TUBGCP3: variants seen among roughly 807,000 people sequenced by gnomAD.
TUBGCP3 encodes the protein tubulin gamma complex component 3.
TUBGCP3 carries 50 observed loss-of-function variants against 123.1 expected under a neutral mutation model. The ratio of observed to expected loss-of-function variants is 0.41; its 90% CI spans 0.32 to 0.51. The LOEUF is 0.51. Ranked by LOEUF, TUBGCP3 falls within the 20% of genes least tolerant of loss-of-function variation. TUBGCP3 has a pLI of 0.36. For missense variants in TUBGCP3, 882 were observed against 1,127.0 expected (o/e 0.78, Z 3.11); for synonymous variants, 405 against 413.9 (o/e 0.98, Z 0.26).
intron 21 of TUBGCP3, among the ~76,000 whole-genome samples, chr13:112,489,252 C>G (rs997899543): frequency 1.4e-5 from 2 of 144,720 alleles, no homozygotes; most frequent in African/African-American, 5.3e-5. Context: ...GGTCCCCACA[C>G]CCCAACACAG....
intron 13 of TUBGCP3, among the ~76,000 whole-genome samples, chr13:112,523,634 T>C (rs1876807941): frequency 6.6e-6 from 1 of 152,150 alleles, no homozygotes; most frequent in South Asian, 2.1e-4. Flanking sequence ...TCTCTAGAAA[T>C]GTTTTCATTA....
In TUBGCP3 at chr13:112,556,178, A is replaced by C. The variant is rs764625129; in HGVS notation, c.595T>G (p.Leu199Val). Residue 199 changes from leucine (L) to valine (V), a missense_variant, in exon 6 of 22, where the codon TTG (leucine) becomes GTG (valine). Leu to Val is a conservative substitution (Grantham distance 32, BLOSUM62 1). This residue lies in a region of TUBGCP3 where 713 missense variants were observed against 874.0 expected (regional missense o/e 0.82). Coordinates refer to ENST00000261965, the MANE Select transcript of TUBGCP3 (RefSeq NM_006322.6). ...PGVGDCLRQQLGSRLAWTLTA... is the reference protein window; with the variant it reads ...PGVGDCLRQQVGSRLAWTLTA... Reference sequence around the variant, plus strand: ...AAAGTCCATGCGAGTCGTGACCCCAACTGCTGTCGAAGGCAATCTCCTACT... The same window carrying C: ...AAAGTCCATGCGAGTCGTGACCCCACCTGCTGTCGAAGGCAATCTCCTACT... 3.1e-6 allele frequency: 5 copies of C among 1,614,144 alleles called. No homozygotes were observed. The highest frequency in any genetic ancestry group is 4.2e-6 in the Non-Finnish European group (5 of 1,180,022).
intron 11 of TUBGCP3, among the ~76,000 whole-genome samples, chr13:112,536,212 T>C (rs1878043695): frequency 6.6e-6 from 1 of 152,268 alleles, no homozygotes. Context: ...TTTACAAGAT[T>C]GTTTGGCCTC....
chr13:112,519,126 A>T lies in TUBGCP3; in HGVS notation c.1882-83T>A. ...GTTAACGCAAAGAAAAAGCAGTAAA[A>T]TAATGCCCAATTGTTAAAAACTGCT... On this transcript the variant is annotated intron_variant, in intron 15 of 21. Coordinates refer to ENST00000261965, the MANE Select transcript of TUBGCP3 (RefSeq NM_006322.6). This position sits in a 1 kb window ranked among gnomAD's most constrained non-coding sequence, Gnocchi z 6.2. The T allele has an allele frequency of 9.1e-7, 1 of 1,099,402 alleles. No individual in the cohort carries two copies. Among genetic ancestry groups the T allele is most frequent in the East Asian group, 2.4e-5 (1 of 41,756 alleles). The allele number at this position is 1,099,402 out of a possible 1,614,324, so 68.1% of individuals were successfully genotyped here.
At chr13:112,521,285 AC>A (rs1378959005) in intron 14 of TUBGCP3, among the ~76,000 whole-genome samples, 1 of 152,236 alleles carries the variant, frequency 6.6e-6, no homozygotes, top group Non-Finnish European at 1.5e-5. Context: ...ATCAGCTATG[AC>A]TAAGGCATGA....
intron 20 of TUBGCP3, among the ~76,000 whole-genome samples, chr13:112,494,581 C>A (rs1229967659): frequency 2.0e-5 from 3 of 152,234 alleles, no homozygotes; most frequent in African/African-American, 7.2e-5. Flanking sequence ...CCTTGAGCCA[C>A]ACCACTCTTT....
chr13:112,510,472 A>G (rs1011925715), intron 17 of TUBGCP3, among the ~76,000 whole-genome samples: 4 of 152,188 alleles, frequency 2.6e-5, no homozygotes, highest in Non-Finnish European at 5.9e-5. Flanking sequence ...TCTCAAGACT[A>G]AGGATCCAGA....
chr13:112,500,050 T>C (rs1880801625), intron 19 of TUBGCP3, among the ~76,000 whole-genome samples: 2 of 152,044 alleles, frequency 1.3e-5, no homozygotes, highest in Non-Finnish European at 2.9e-5. Context: ...GGGGATAAAA[T>C]TAAACCCAAC....
intron 11 of TUBGCP3, among the ~76,000 whole-genome samples, chr13:112,535,316 C>T (rs1384333731): frequency 6.6e-6 from 1 of 152,162 alleles, no homozygotes; most frequent in Non-Finnish European, 1.5e-5. Context: ...AGGAGTAGAA[C>T]TGTTGGGTCA....
At chr13:112,573,125 T>C (rs1881542851) in intron 1 of TUBGCP3, among the ~76,000 whole-genome samples, 1 of 150,796 alleles carries the variant, frequency 6.6e-6, no homozygotes, top group African/African-American at 2.4e-5. Flanking sequence ...TAAGAAAAAG[T>C]AACAACGTAG....
At position 112,559,416 on chromosome 13, in the gene TUBGCP3, TA is replaced by T; in HGVS notation, c.253-18del. On this transcript the variant is annotated intron_variant, in intron 3 of 21. Transcript: ENST00000261965. Reference sequence around the variant, plus strand: ...CAAAACTCCCTGTTTGGAAAAAAGTTAATATTAAAAGAACGATTTTATACTA... The same window carrying T: ...CAAAACTCCCTGTTTGGAAAAAAGTTATATTAAAAGAACGATTTTATACTA... The T allele has an allele frequency of 6.3e-7, 1 of 1,586,602 alleles. No individual in the cohort carries two copies. Among genetic ancestry groups the T allele is most frequent in the South Asian group, 1.1e-5 (1 of 88,904 alleles).
intron 3 of TUBGCP3, among the ~76,000 whole-genome samples, chr13:112,560,832 C>A (rs1301784861): frequency 1.3e-5 from 2 of 152,168 alleles, no homozygotes; most frequent in African/African-American, 4.8e-5. Flanking sequence ...CAGACCCAGC[C>A]CTGATGGAGT....
intron 1 of TUBGCP3, among the ~76,000 whole-genome samples, chr13:112,582,607 C>G (rs1454841402): frequency 2.0e-5 from 3 of 152,332 alleles, no homozygotes; most frequent in East Asian, 1.9e-4. Context: ...CTAAATGCCA[C>G]TCAGTCAGTC....
At position 112,588,070 on chromosome 13, in the gene TUBGCP3, C is replaced by T. The variant is rs1882761507; in HGVS notation, c.-90G>A. On this transcript the variant is annotated 5_prime_UTR_variant, in exon 1 of 22. Transcript: ENST00000261965. ...CGCGGCCCGCGCCCTTCCTGCGCCC[C>T]GCAAGCTCCCTGCTCCTGACAGGCT... 4 of 1,129,462 alleles carry T rather than the reference C, an allele frequency of 3.5e-6. No homozygotes were observed. Among genetic ancestry groups the T allele is most frequent in the Non-Finnish European group, 4.6e-6 (4 of 860,366 alleles). 70.0% of individuals were successfully genotyped at this position (1,129,462 alleles called of 1,614,324 possible).
rs531538573 is a variant in TUBGCP3 at position 112,494,717 on chromosome 13, C to T, written c.2448+4328G>A. 9.2e-5 allele frequency among the ~76,000 whole-genome samples: 14 copies of T among 152,388 alleles called. No homozygotes were observed. The South Asian group carries it at 2.9e-3, about 32-fold the overall frequency. ...TGTGAGGGTTCCCTTTTCTTCACAT[C>T]CTCGCCAGCATTTGTTCTTGCCTGA... is the stretch of plus-strand genomic sequence containing the variant. On this transcript the variant is annotated intron_variant, in intron 20 of 21. Transcript: ENST00000261965.
chr13:112,522,236 T>A, intron 14 of TUBGCP3, 84 bp downstream of exon 14: 1 of 1,155,586 alleles, frequency 8.7e-7, no homozygotes, highest in Non-Finnish European at 1.2e-6. Flanking sequence ...CATTTTCTTT[T>A]AATATAATTT....
Position 112,561,364 on chromosome 13 carries a change from C to T in TUBGCP3, c.253-1965G>A, listed in dbSNP as rs531965226. On this transcript the variant is annotated intron_variant, in intron 3 of 21. Transcript: ENST00000261965. ...CTTTCCACACATTAAATCCTGTCATCGTCACAACCACACTATGACAGGGCT... is the reference window on the plus strand; with the variant it reads ...CTTTCCACACATTAAATCCTGTCATTGTCACAACCACACTATGACAGGGCT... Among the ~76,000 whole-genome samples, 11 of 152,324 alleles carry T rather than the reference C, an allele frequency of 7.2e-5. No homozygotes were observed. In the South Asian group the frequency reaches 2.3e-3, roughly 32 times the overall value.
At chr13:112,528,095 C>T (rs1172286429) in intron 11 of TUBGCP3, among the ~76,000 whole-genome samples, 1 of 152,242 alleles carries the variant, frequency 6.6e-6, no homozygotes. Flanking sequence ...TGGCATGCAG[C>T]TCCCCTGCCC....
chr13:112,488,253 G>C (rs924206124), intron 21 of TUBGCP3, among the ~76,000 whole-genome samples: 3 of 151,672 alleles, frequency 2.0e-5, no homozygotes, highest in Non-Finnish European at 2.9e-5. Flanking sequence ...ACAAACCCAC[G>C]ATGTTGGAGG....
Sources: allele counts gnomAD v4.1 joint callset (sites outside exome capture counted in the v4.1 genomes callset), GRCh38; gene constraint gnomAD v4.1.1; regional missense constraint gnomAD v4.1.1; non-coding constraint Gnocchi (gnomAD v3.1); transcripts MANE v1.5; gene names NCBI Gene and HGNC (gene_info 2026-07-23, HGNC 2026-07-21).